Variants in DNTT observed in about 807,000 individuals in gnomAD.
DNTT encodes the protein nucleosidetriphosphate:DNA deoxynucleotidylexotransferase.
In DNTT, 47 loss-of-function variants were observed where a neutral mutation model predicts 60.9. The ratio of observed to expected loss-of-function variants is 0.77; its 90% CI spans 0.61 to 0.98. The LOEUF is 0.98. Ranked by LOEUF, DNTT falls within the 50% of genes least tolerant of loss-of-function variation. The pLI is 0.00. For synonymous variants in DNTT, 224 were observed against 221.2 expected (o/e 1.01, Z -0.11); for missense variants, 665 against 627.5 (o/e 1.06, Z -0.64).
At chr10:96,324,203 C>T in intron 5 of DNTT, 63 bp from the exon 6 acceptor site, 1 of 1,555,446 alleles carries the variant, frequency 6.4e-7, no homozygotes, top group African/African-American at 1.4e-5. Context: ...TAGAAAGGGT[C>T]ATGACTCGGA....
At chr10:96,311,364 G>A (rs1414969756) in intron 1 of DNTT, among the ~76,000 whole-genome samples, 1 of 152,228 alleles carries the variant, frequency 6.6e-6, no homozygotes, top group Non-Finnish European at 1.5e-5. Flanking sequence ...GTCAGACAGA[G>A]GGTGGGAAGG....
In DNTT at chr10:96,333,668, C is replaced by G. The variant is rs554915059; in HGVS notation, c.1359+1072C>G. ...CAGGACATTCTGTCATTTGAGACAA[C>G]ATGGTTGAACCTAGAGGACATTATG... On this transcript the variant is annotated intron_variant, in intron 9 of 10. Coordinates refer to ENST00000371174, the MANE Select transcript of DNTT (RefSeq NM_004088.4). 3.9e-4 allele frequency among the ~76,000 whole-genome samples: 60 copies of G among 152,348 alleles called. 1 individual carries two copies. In the East Asian group the frequency reaches 8.7e-3, roughly 22 times the overall value.
At chr10:96,323,576 G>GA (rs1261804910) in intron 5 of DNTT, among the ~76,000 whole-genome samples, 4 of 151,994 alleles carry the variant, frequency 2.6e-5, no homozygotes, top group African/African-American at 9.7e-5. Flanking sequence ...GAGGACCATG[G>GA]GGGGGTTGGT....
At chr10:96,334,109 T>C (rs894165579) in intron 9 of DNTT, among the ~76,000 whole-genome samples, 1 of 152,156 alleles carries the variant, frequency 6.6e-6, no homozygotes, top group African/African-American at 2.4e-5. Context: ...TTATTATATG[T>C]TAATTAAAAA....
Position 96,318,417 on chromosome 10 carries a change from C to T in DNTT, c.269C>T (p.Ala90Val), listed in dbSNP as rs36126211. Residue 90 changes from alanine (A) to valine (V), a missense_variant, in exon 2 of 11, where the codon GCA (alanine) becomes GTA (valine). Physicochemically the swap from Ala to Val is moderately conservative, Grantham distance 64. Coordinates refer to ENST00000371174, the MANE Select transcript of DNTT (RefSeq NM_004088.4). ...TCGGATGTTCTGGAGTGGCTTCAAG[C>T]ACAGAAAGTACAAGTCAGCTCACAA... is the stretch of plus-strand genomic sequence containing the variant. ...SGSDVLEWLQ[A>V]QKVQVSSQPE... 2,053 of 1,613,814 alleles carry T rather than the reference C, an allele frequency of 1.3e-3. 17 individuals carry two copies. In the African/African-American group the frequency reaches 0.023, roughly 18 times the overall value.
At chr10:96,330,333 T>A (rs1178301746) in intron 8 of DNTT, among the ~76,000 whole-genome samples, 2 of 125,926 alleles carry the variant, frequency 1.6e-5, no homozygotes, top group Non-Finnish European at 3.4e-5. Flanking sequence ...TTTTTTTTTT[T>A]AAGGGAAGGT....
intron 1 of DNTT, among the ~76,000 whole-genome samples, chr10:96,313,507 G>A (rs542089963): frequency 6.6e-6 from 1 of 152,148 alleles, no homozygotes; most frequent in African/African-American, 2.4e-5. Context: ...CTAGCAGAAC[G>A]TTAAGAGGTT....
intron 1 of DNTT, chr10:96,306,711 G>C (rs554689329): frequency 6.6e-6 from 1 of 152,362 alleles, no homozygotes; most frequent in South Asian, 2.1e-4. Flanking sequence ...CAGCTGCTCA[G>C]GCGGCGGAGG....
chr10:96,304,762 A>G (rs1844614277), intron 1 of DNTT, 62 bp downstream of exon 1: 1 of 1,535,934 alleles, frequency 6.5e-7, no homozygotes, highest in African/African-American at 1.4e-5. Flanking sequence ...CTTCTTGGGA[A>G]CCCAAGGAAC....
intron 10 of DNTT, among the ~76,000 whole-genome samples, 169 bp from the exon 11 acceptor site, chr10:96,337,969 T>G (rs1201617144): frequency 2.0e-5 from 3 of 152,230 alleles, no homozygotes; most frequent in African/African-American, 7.2e-5. Context: ...TTTAGTACCA[T>G]GTTTTGGAAA....
At chr10:96,313,857 C>G (rs1844751047) in intron 1 of DNTT, among the ~76,000 whole-genome samples, 1 of 152,144 alleles carries the variant, frequency 6.6e-6, no homozygotes, top group African/African-American at 2.4e-5. Context: ...GATGGAGCAG[C>G]AGGGTAGGAG....
rs1382319596 is a variant in DNTT, at chr10:96,307,771, A to T, written c.203+3071A>T. 2.0e-4 allele frequency among the ~76,000 whole-genome samples: 22 copies of T among 107,828 alleles called. 1 individual carries two copies. Among genetic ancestry groups the T allele is most frequent in the East Asian group, 1.6e-3 (4 of 2,470 alleles). The allele number at this position is 107,828 out of a possible 152,430, so 70.7% of individuals were successfully genotyped here. Reference sequence around the variant, plus strand: ...TGTGTGTGTGTGCATATATATATATATATATATTTTTTTTTTTTGAGGCAG... The same window carrying T: ...TGTGTGTGTGTGCATATATATATATTTATATATTTTTTTTTTTTGAGGCAG... On this transcript the variant is annotated intron_variant, in intron 1 of 10. Coordinates refer to ENST00000371174, the MANE Select transcript of DNTT (RefSeq NM_004088.4).
chr10:96,331,720 A>C (rs1845009003), intron 8 of DNTT, among the ~76,000 whole-genome samples: 2 of 152,148 alleles, frequency 1.3e-5, no homozygotes, highest in African/African-American at 4.8e-5. Context: ...AAACATCCAA[A>C]CTATAGCAGA....
intron 1 of DNTT, chr10:96,306,672 C>G (rs770631587): frequency 4.6e-5 from 7 of 152,204 alleles, no homozygotes; most frequent in African/African-American, 1.7e-4. Context: ...AGCTACATGC[C>G]CCAGATGCCT....
At chr10:96,309,132 T>A (rs1190834688) in intron 1 of DNTT, among the ~76,000 whole-genome samples, 1 of 152,190 alleles carries the variant, frequency 6.6e-6, no homozygotes, top group Admixed American at 6.5e-5. Flanking sequence ...CGTTTAACAC[T>A]TGCCAAGTTC....
At chr10:96,326,852 C>G (rs1367880041) in intron 6 of DNTT, among the ~76,000 whole-genome samples, 3 of 152,198 alleles carry the variant, frequency 2.0e-5, no homozygotes, top group African/African-American at 7.2e-5. Flanking sequence ...CACCCCAATC[C>G]TTGGAGATAA....
At chr10:96,338,063 AAC>A in intron 10 of DNTT, 73 bp from the exon 11 acceptor site, 1 of 1,292,984 alleles carries the variant, frequency 7.7e-7, no homozygotes, top group East Asian at 2.4e-5. Flanking sequence ...TTTTATAAGT[AAC>A]ACTTTCACTG....
At position 96,320,623 on chromosome 10, in the gene DNTT, C is replaced by T. The variant is rs781144518; in HGVS notation, c.513C>T (p.Ala171=). The change falls in exon 4 of 11, where the codon GCC becomes GCT. Residue 171 remains alanine, a synonymous_variant. Coordinates refer to ENST00000371174, the MANE Select transcript of DNTT (RefSeq NM_004088.4). ...TATCTGGTTTTATCCTGCAGGATGCCTTTGATATACTGGCTGAAAACTGTG... is the reference window on the plus strand; with the variant it reads ...TATCTGGTTTTATCCTGCAGGATGCTTTTGATATACTGGCTGAAAACTGTG... ...LNNCNQIFTD[A]FDILAENCEF... 3.7e-6 allele frequency: 6 copies of T among 1,613,388 alleles called. No individual in the cohort carries two copies. The East Asian group carries it at 1.1e-4, about 30-fold the overall frequency.
intron 4 of DNTT, 30 bp downstream of exon 4, chr10:96,320,818 C>T (rs755205135): frequency 1.8e-5 from 29 of 1,610,654 alleles, no homozygotes; most frequent in Non-Finnish European, 2.5e-5. Context: ...TGTCCCACTT[C>T]CCAATAGGTA....
Sources: gnomAD v4.1 joint callset for allele counts (sites outside exome capture counted in the v4.1 genomes callset) on GRCh38, gnomAD v4.1.1 for gene constraint, MANE v1.5 for transcripts, NCBI Gene and HGNC (gene_info 2026-07-23, HGNC 2026-07-21) for gene names.